Variants in PTPRK observed in about 807,000 individuals in gnomAD.
PTPRK encodes receptor-type tyrosine-protein phosphatase kappa.
PTPRK carries 75 observed loss-of-function variants against 178.0 expected under a neutral mutation model. That is an observed-to-expected ratio of 0.42 (90% CI 0.35 to 0.51). PTPRK has a LOEUF of 0.51. Among genes scored for constraint, PTPRK ranks in the 20% least tolerant of loss-of-function variants. PTPRK has a pLI of 0.02. For missense variants in PTPRK, 1,441 were observed against 1,797.8 expected (o/e 0.80, Z 3.59); for synonymous variants, 637 against 620.6 (o/e 1.03, Z -0.39).
At chr6:127,982,293 G>A (rs1482676781) in intron 24 of PTPRK, among the ~76,000 whole-genome samples, 1 of 151,574 alleles carries the variant, frequency 6.6e-6, no homozygotes, top group East Asian at 1.9e-4. Flanking sequence ...TTTTTTCTGA[G>A]ACGGAGTCTC....
intron 19 of PTPRK, 111 bp downstream of exon 19, chr6:127,992,562 A>G: frequency 1.2e-6 from 1 of 811,380 alleles, no homozygotes; most frequent in Non-Finnish European, 2.0e-6. Flanking sequence ...GTTAATCAGA[A>G]GGGCTGATTT....
chr6:128,197,184 C>CTTT (rs5879879), intron 6 of PTPRK, among the ~76,000 whole-genome samples: 27 of 138,630 alleles, frequency 1.9e-4, no homozygotes, highest in East Asian at 1.0e-3. Flanking sequence ...TTGTTTTTTT[C>CTTT]TTTTTTTTTT....
chr6:128,339,652 T>A (rs1831405500), intron 2 of PTPRK, among the ~76,000 whole-genome samples: 1 of 152,046 alleles, frequency 6.6e-6, no homozygotes, highest in Non-Finnish European at 1.5e-5. Flanking sequence ...TTGGCAAAAA[T>A]TGCTTCCTGG....
At chr6:128,403,325 T>C (rs987161619) in intron 1 of PTPRK, among the ~76,000 whole-genome samples, 2 of 152,168 alleles carry the variant, frequency 1.3e-5, no homozygotes, top group African/African-American at 2.4e-5. Context: ...GAAACAACAT[T>C]AAAATCCCTT....
intron 6 of PTPRK, among the ~76,000 whole-genome samples, chr6:128,210,619 G>C (rs1238006993): frequency 2.0e-5 from 3 of 152,078 alleles, no homozygotes; most frequent in Non-Finnish European, 4.4e-5. Flanking sequence ...CAAGGAAGGA[G>C]GTGAGTGATA....
chr6:128,321,947 T>A (rs1054494986), intron 3 of PTPRK, 92 bp downstream of exon 3: 1 of 1,553,358 alleles, frequency 6.4e-7, no homozygotes, highest in Non-Finnish European at 8.8e-7. Flanking sequence ...CAATCTCTCA[T>A]TACCATGAGA....
intron 13 of PTPRK, among the ~76,000 whole-genome samples, chr6:128,026,451 C>T (rs1774321188): frequency 6.6e-6 from 1 of 152,168 alleles, no homozygotes; most frequent in Non-Finnish European, 1.5e-5. Flanking sequence ...AGAAAAACTA[C>T]TGTGTGATCT....
intron 27 of PTPRK, 151 bp downstream of exon 27, chr6:127,976,506 A>G (rs1774614574): frequency 5.3e-6 from 5 of 941,216 alleles, no homozygotes; most frequent in South Asian, 3.5e-5. Flanking sequence ...TTTTTATTCG[A>G]GTACTAAGGC....
chr6:127,979,077 C>G (rs1255977324), intron 25 of PTPRK, among the ~76,000 whole-genome samples: 1 of 151,950 alleles, frequency 6.6e-6, no homozygotes, highest in Non-Finnish European at 1.5e-5. Context: ...AAAAGACAAG[C>G]TTGGACAAGA....
chr6:128,116,798 T>C (rs555635497), intron 7 of PTPRK, among the ~76,000 whole-genome samples: 3 of 152,364 alleles, frequency 2.0e-5, no homozygotes, highest in African/African-American at 7.2e-5. Flanking sequence ...CAATCATTTA[T>C]GAAGAGACAA....
chr6:128,393,473 G>A (rs1446749037), intron 2 of PTPRK, among the ~76,000 whole-genome samples: 1 of 152,166 alleles, frequency 6.6e-6, no homozygotes, highest in Non-Finnish European at 1.5e-5. Context: ...GTAGTACATA[G>A]TACAGTGGGC....
chr6:128,062,045 A>G (rs1296711972), intron 13 of PTPRK: 2 of 152,130 alleles, frequency 1.3e-5, no homozygotes, highest in Admixed American at 6.6e-5. Context: ...CATTTTGACT[A>G]TTAAATGTTT....
intron 3 of PTPRK, among the ~76,000 whole-genome samples, chr6:128,299,415 T>A (rs1825138888): frequency 6.6e-6 from 1 of 152,050 alleles, no homozygotes; most frequent in African/African-American, 2.4e-5. Flanking sequence ...CACTGCCAAG[T>A]CAATCCTAAG....
chr6:128,083,591 G>T (rs1785209185), intron 9 of PTPRK, 124 bp downstream of exon 9: 1 of 446,106 alleles, frequency 2.2e-6, no homozygotes, highest in Non-Finnish European at 3.9e-6. Flanking sequence ...TAAAACAAAG[G>T]AGAATGATTT....
At chr6:128,340,251 G>A (rs1000941893) in intron 2 of PTPRK, among the ~76,000 whole-genome samples, 5 of 152,134 alleles carry the variant, frequency 3.3e-5, no homozygotes, top group Non-Finnish European at 7.4e-5. Flanking sequence ...ATAGCTAAGA[G>A]TTCACTGGTT....
chr6:128,218,569 A>C (rs981720401), intron 6 of PTPRK, among the ~76,000 whole-genome samples: 3 of 152,258 alleles, frequency 2.0e-5, no homozygotes, highest in African/African-American at 7.2e-5. Context: ...AATGCTTCAA[A>C]GAAAAGTAGT....
chr6:128,426,576 T>C (rs1219181723), intron 1 of PTPRK, among the ~76,000 whole-genome samples: 1 of 152,212 alleles, frequency 6.6e-6, no homozygotes, highest in East Asian at 1.9e-4. Context: ...TGCTCTTTGC[T>C]TTGAAAACAA....
chr6:128,111,921 T>C (rs548748525), intron 7 of PTPRK, among the ~76,000 whole-genome samples: 1 of 152,068 alleles, frequency 6.6e-6, no homozygotes, highest in Non-Finnish European at 1.5e-5. Flanking sequence ...ATCTAACACA[T>C]AACAGGTGTA....
intron 3 of PTPRK, among the ~76,000 whole-genome samples, chr6:128,287,609 C>T (rs1822711709): frequency 6.6e-6 from 1 of 152,080 alleles, no homozygotes; most frequent in Admixed American, 6.6e-5. Context: ...TTTTTGGTTT[C>T]AAACTTTATC....
Sources: allele counts gnomAD v4.1 joint callset (sites outside exome capture counted in the v4.1 genomes callset), GRCh38; gene constraint gnomAD v4.1.1; transcripts MANE v1.5; gene names NCBI Gene and HGNC (gene_info 2026-07-23, HGNC 2026-07-21).